The following TRIQK variants were observed in gnomAD, a reference collection of about 807,000 sequenced individuals.
The protein encoded by TRIQK is triple QxxK/R motif-containing protein.
TRIQK carries 10 observed loss-of-function variants against 10.8 expected under a neutral mutation model. The ratio of observed to expected loss-of-function variants is 0.92; its 90% CI spans 0.57 to 1.57. TRIQK has a LOEUF of 1.57. Among genes scored for constraint, TRIQK ranks in the 40% most tolerant of loss-of-function variants. The pLI is 0.00. For missense variants in TRIQK, 107 were observed against 97.7 expected (o/e 1.09, Z -0.40); for synonymous variants, 33 against 33.7 (o/e 0.98, Z 0.07).
chr8:92,939,420 C>G (rs1213885647), intron 2 of TRIQK, among the ~76,000 whole-genome samples: 1 of 152,062 alleles, frequency 6.6e-6, no homozygotes, highest in Non-Finnish European at 1.5e-5. Flanking sequence ...TCCACACAGC[C>G]AAAATGCCTA....
exon 1 of TRIQK, chr8:93,017,623 G>A (rs571853132): frequency 6.6e-6 from 1 of 152,338 alleles, no homozygotes; most frequent in East Asian, 1.9e-4. Context: ...AGGATAAAAG[G>A]CTCCCCTCAG....
chr8:92,890,933 G>A (rs561425850), intron 4 of TRIQK, among the ~76,000 whole-genome samples: 2 of 151,840 alleles, frequency 1.3e-5, no homozygotes, highest in African/African-American at 2.4e-5. Context: ...GATTTCACAT[G>A]AAATTAGAAA....
At chr8:92,954,326 A>G (rs949818553) in intron 2 of TRIQK, 80 bp downstream of exon 2, 12 of 151,968 alleles carry the variant, frequency 7.9e-5, no homozygotes, top group Non-Finnish European at 4.4e-5. Context: ...AAAACAACCC[A>G]AAGCAATAAG....
At chr8:92,892,316 A>G (rs1816808820) in intron 3 of TRIQK, among the ~76,000 whole-genome samples, 1 of 151,964 alleles carries the variant, frequency 6.6e-6, no homozygotes, top group South Asian at 2.1e-4. Flanking sequence ...GTCAAAAAAG[A>G]TAAAAACTTG....
chr8:92,983,629 T>C (rs1465386209), intron 1 of TRIQK, among the ~76,000 whole-genome samples: 2 of 152,056 alleles, frequency 1.3e-5, no homozygotes, highest in Admixed American at 6.6e-5. Context: ...ATTTCTCATA[T>C]TGTATTTGCC....
At chr8:92,909,427 A>T (rs1266244936) in intron 3 of TRIQK, among the ~76,000 whole-genome samples, 1 of 151,916 alleles carries the variant, frequency 6.6e-6, no homozygotes, top group Non-Finnish European at 1.5e-5. Flanking sequence ...TTCTCTCAAA[A>T]TTATTTGGAG....
At chr8:92,951,862 C>G (rs557896355) in intron 2 of TRIQK, among the ~76,000 whole-genome samples, 7 of 152,162 alleles carry the variant, frequency 4.6e-5, no homozygotes, top group African/African-American at 1.7e-4. Context: ...CAACTCCAGG[C>G]ATCCTGTCTT....
At chr8:92,957,251 TGTAA>T (rs1442959953) in intron 1 of TRIQK, among the ~76,000 whole-genome samples, 5 of 151,828 alleles carry the variant, frequency 3.3e-5, no homozygotes, top group East Asian at 1.9e-4. Flanking sequence ...TATACATATA[TGTAA>T]GTATGTATAT....
upstream of TRIQK, among the ~76,000 whole-genome samples, chr8:92,970,161 T>C (rs1177980551): frequency 6.6e-6 from 1 of 152,228 alleles, no homozygotes; most frequent in East Asian, 1.9e-4. Context: ...CCATGGTGTA[T>C]ATGTACCACA....
intron 1 of TRIQK, among the ~76,000 whole-genome samples, chr8:92,988,872 A>G (rs539936293): frequency 3.9e-5 from 6 of 152,316 alleles, no homozygotes; most frequent in Admixed American, 1.3e-4. Flanking sequence ...TATCATAAAA[A>G]TGTTCACCCC....
In TRIQK at chr8:93,003,497, A is replaced by G. The variant is rs370901059; in HGVS notation, c.-181+14112T>C. ...CCATCACTGGCAATTACAATTCAAC[A>G]TGAGATTTGGGTGGGACACAGAGCC... On this transcript the variant is annotated intron_variant, in intron 1 of 4. Coordinates refer to the TRIQK transcript ENST00000520686. Among the ~76,000 whole-genome samples the G allele has an allele frequency of 8.5e-5, 13 of 152,164 alleles. No individual in the cohort carries two copies. In the East Asian group the frequency reaches 2.3e-3, roughly 27 times the overall value.
At chr8:92,958,245 T>C (rs921229639) in intron 1 of TRIQK, among the ~76,000 whole-genome samples, 1 of 151,940 alleles carries the variant, frequency 6.6e-6, no homozygotes, top group Non-Finnish European at 1.5e-5. Context: ...ACAAATCTTA[T>C]TATACTTATT....
At chr8:92,911,833 A>G (rs1310222359) in intron 3 of TRIQK, among the ~76,000 whole-genome samples, 2 of 150,024 alleles carry the variant, frequency 1.3e-5, no homozygotes, top group African/African-American at 4.9e-5. Flanking sequence ...ATATGTATAT[A>G]TACATATCTA....
chr8:92,998,573 A>G (rs1054733331), intron 1 of TRIQK, among the ~76,000 whole-genome samples: 1 of 152,090 alleles, frequency 6.6e-6, no homozygotes, highest in African/African-American at 2.4e-5. Flanking sequence ...GGTGAAAAGG[A>G]CAAGTATTTA....
chr8:92,966,565 T>C (rs980441698), upstream of TRIQK, among the ~76,000 whole-genome samples: 1 of 152,144 alleles, frequency 6.6e-6, no homozygotes, highest in African/African-American at 2.4e-5. Flanking sequence ...TTAGGAAAGA[T>C]TGCAAAAACG....
chr8:92,944,304 C>CAAAAAA (rs56002665), intron 2 of TRIQK, among the ~76,000 whole-genome samples: 5 of 134,838 alleles, frequency 3.7e-5, no homozygotes, highest in African/African-American at 1.4e-4. Context: ...GAAGGTTACT[C>CAAAAAA]AAAAAAAAAA....
intron 1 of TRIQK, among the ~76,000 whole-genome samples, chr8:92,959,361 A>G (rs1321680569): frequency 2.0e-5 from 3 of 151,982 alleles, no homozygotes; most frequent in African/African-American, 4.8e-5. Flanking sequence ...GTTCTTATTG[A>G]ATTAATTGTG....
chr8:92,886,382 G>A lies in TRIQK; in HGVS notation c.*240C>T, dbSNP rs1816477301. ...TTCCCATTTCATCTAAATGTACCAT[G>A]TATAGGGTGGCTGTCAAAGCAGAAA... On this transcript the variant is annotated 3_prime_UTR_variant, in exon 5 of 5. Transcript: ENST00000521988. The A allele has an allele frequency of 7.3e-6, 2 of 274,176 alleles. No homozygotes were observed. Among genetic ancestry groups the A allele is most frequent in the South Asian group, 1.7e-4 (2 of 12,112 alleles). 17.0% of individuals were successfully genotyped at this position (274,176 alleles called of 1,614,324 possible). A position where few individuals can be genotyped will look rare whatever the true frequency, so the allele number is the denominator to read the frequency against.
intron 2 of TRIQK, among the ~76,000 whole-genome samples, chr8:92,952,932 G>T (rs1250758248): frequency 1.3e-5 from 2 of 151,938 alleles, no homozygotes; most frequent in Non-Finnish European, 1.5e-5. Flanking sequence ...CAATATCTTG[G>T]GTCCAGAACC....
Sources: gnomAD v4.1 joint callset for allele counts (sites outside exome capture counted in the v4.1 genomes callset) on GRCh38, gnomAD v4.1.1 for gene constraint, MANE v1.5 for transcripts, NCBI Gene and HGNC (gene_info 2026-07-23, HGNC 2026-07-21) for gene names.